ICE2: variants seen among roughly 807,000 people sequenced by gnomAD.
ICE2 encodes the protein interactor of little elongation complex ELL subunit 2.
In ICE2, 87 loss-of-function variants were observed where a neutral mutation model predicts 105.4. That is an observed-to-expected ratio of 0.83 (90% confidence interval 0.69 to 0.99). The LOEUF (loss-of-function observed/expected upper bound fraction) is 0.99, where lower values mean the gene tolerates loss of function less well. ICE2 is among the 50% of genes least tolerant of loss of function. The pLI is 0.00. For synonymous variants in ICE2, 399 were observed against 392.0 expected (o/e 1.02, Z -0.21); for missense variants, 1,323 against 1,146.7 (o/e 1.15, Z -2.22).
chr15:60,456,415 G>A (rs1328164788), intron 6 of ICE2, among the ~76,000 whole-genome samples: 1 of 148,572 alleles, frequency 6.7e-6, no homozygotes, highest in Admixed American at 6.7e-5. Flanking sequence ...TTGGTGGCAG[G>A]CGCCTGTAAT....
intron 10 of ICE2, among the ~76,000 whole-genome samples, 176 bp from the exon 11 acceptor site, chr15:60,448,321 A>G (rs2063871028): frequency 6.6e-6 from 1 of 152,236 alleles, no homozygotes; most frequent in Non-Finnish European, 1.5e-5. Context: ...GAACTGCAGT[A>G]AGAGCTGAAA....
chr15:60,461,946 T>C (rs759702845), intron 5 of ICE2, among the ~76,000 whole-genome samples: 1 of 152,210 alleles, frequency 6.6e-6, no homozygotes, highest in Non-Finnish European at 1.5e-5. Flanking sequence ...GTTAATACTA[T>C]TTGAGGCTTA....
intron 15 of ICE2, among the ~76,000 whole-genome samples, chr15:60,427,655 G>A (rs1323768024): frequency 6.6e-6 from 1 of 152,188 alleles, no homozygotes; most frequent in Admixed American, 6.5e-5. Flanking sequence ...GACCTCAAAT[G>A]ATCCACCCGC....
intron 5 of ICE2, among the ~76,000 whole-genome samples, chr15:60,462,281 T>A (rs147400319): frequency 6.6e-6 from 1 of 152,184 alleles, no homozygotes; most frequent in Non-Finnish European, 1.5e-5. Flanking sequence ...GCTGGGGTGG[T>A]GGGGAAAATG....
intron 3 of ICE2, among the ~76,000 whole-genome samples, chr15:60,474,809 A>G (rs1469302945): frequency 1.3e-5 from 2 of 152,118 alleles, no homozygotes; most frequent in South Asian, 4.1e-4. Flanking sequence ...AAAACAGGAA[A>G]ACTTGAGCAT....
rs184323847 is a variant in ICE2, at chr15:60,419,926, G to A, written c.*3708C>T. On this transcript the variant is annotated 3_prime_UTR_variant, in exon 16 of 16. Coordinates refer to ENST00000261520, the MANE Select transcript of ICE2 (RefSeq NM_024611.6). ...TCTTTCCAAACTTCTCCCTTCAAGGGTGGAGCTTAAGTGTGGGCTTAGCGA... is the reference window on the plus strand; with the variant it reads ...TCTTTCCAAACTTCTCCCTTCAAGGATGGAGCTTAAGTGTGGGCTTAGCGA... 1.2e-4 allele frequency: 19 copies of A among 152,248 alleles called. 1 individual carries two copies. Among genetic ancestry groups the A allele is most frequent in the African/African-American group, 4.3e-4 (18 of 41,530 alleles). 9.4% of individuals were successfully genotyped at this position (152,248 alleles called of 1,614,324 possible).
At chr15:60,449,955 AG>A in intron 9 of ICE2, 114 bp from the exon 10 acceptor site, 1 of 773,074 alleles carries the variant, frequency 1.3e-6, no homozygotes. Flanking sequence ...TAGAAAGAAA[AG>A]TCTAATGGTT....
In ICE2 at chr15:60,479,117, G is replaced by C; in HGVS notation, c.-207C>G. The C allele has an allele frequency of 2.4e-6, 1 of 423,310 alleles. No individual in the cohort carries two copies. Among genetic ancestry groups the C allele is most frequent in the South Asian group, 1.6e-5 (1 of 61,868 alleles). 26.2% of individuals were successfully genotyped at this position (423,310 alleles called of 1,614,324 possible). The stretch of plus-strand genomic sequence containing the variant: ...AAGACCATATTTAAAGGATGTGGCC[G>C]CGCCGACTCGGCCCTGCGTGATGAC... On this transcript the variant is annotated 5_prime_UTR_variant, in exon 1 of 16. Coordinates refer to ENST00000261520, the MANE Select transcript of ICE2 (RefSeq NM_024611.6).
intron 15 of ICE2, among the ~76,000 whole-genome samples, chr15:60,424,178 CAG>C (rs1490432521): frequency 2.7e-5 from 4 of 150,490 alleles, no homozygotes; most frequent in African/African-American, 7.4e-5. Flanking sequence ...AGGTGGTAAA[CAG>C]GGAGAAGAAA....
chr15:60,442,354 A>C, intron 12 of ICE2, 62 bp downstream of exon 12: 1 of 1,435,802 alleles, frequency 7.0e-7, no homozygotes, highest in Non-Finnish European at 9.5e-7. Context: ...TCACAATTGA[A>C]TTTACAAGTA....
At chr15:60,448,386 A>G (rs1391018662) in intron 10 of ICE2, among the ~76,000 whole-genome samples, 1 of 152,214 alleles carries the variant, frequency 6.6e-6, no homozygotes, top group Non-Finnish European at 1.5e-5. Context: ...GGCAAAGTAT[A>G]AATTCGTGAG....
chr15:60,479,007 T>G lies in ICE2; in HGVS notation c.-97A>C. 1 of 456,004 alleles carries G rather than the reference T, an allele frequency of 2.2e-6. No individual in the cohort carries two copies. The highest frequency in any genetic ancestry group is 4.4e-6 in the Non-Finnish European group (1 of 226,746). 28.2% of individuals were successfully genotyped at this position (456,004 alleles called of 1,614,324 possible). A position where few individuals can be genotyped will look rare whatever the true frequency, so the allele number is the denominator to read the frequency against. ...CAACACAGCCTTTCCGCCCACCTCATGGTCCGCGGCGGCTCTTGCCCAGGC... is the reference window on the plus strand; with the variant it reads ...CAACACAGCCTTTCCGCCCACCTCAGGGTCCGCGGCGGCTCTTGCCCAGGC... On this transcript the variant is annotated 5_prime_UTR_variant, in exon 1 of 16. An upstream start codon of the reference 5' UTR is lost. Coordinates refer to ENST00000261520, the MANE Select transcript of ICE2 (RefSeq NM_024611.6).
chr15:60,438,365 C>A (rs2063643020), intron 12 of ICE2: 1 of 152,040 alleles, frequency 6.6e-6, no homozygotes, highest in Non-Finnish European at 1.5e-5. Context: ...ATTTTCTTAC[C>A]AAGCCCCCTT....
At chr15:60,436,297 TC>T (rs2063585801) in intron 12 of ICE2, 70 bp from the exon 13 acceptor site, 1 of 541,748 alleles carries the variant, frequency 1.8e-6, no homozygotes, top group African/African-American at 2.0e-5. Context: ...AACCAAGTTA[TC>T]CTGTCTCCTT....
intron 12 of ICE2, among the ~76,000 whole-genome samples, chr15:60,436,567 T>A (rs2063592308): frequency 1.3e-5 from 2 of 151,868 alleles, no homozygotes; most frequent in African/African-American, 4.8e-5. Context: ...TACATTTAAT[T>A]AGCCAGGCGT....
intron 15 of ICE2, among the ~76,000 whole-genome samples, chr15:60,425,174 A>C (rs1192135655): frequency 6.6e-6 from 1 of 152,192 alleles, no homozygotes; most frequent in Non-Finnish European, 1.5e-5. Context: ...TGTCCCTTTA[A>C]AAAGCATTTT....
intron 12 of ICE2, 107 bp downstream of exon 12, chr15:60,442,308 TA>T (rs146336634): frequency 1.9e-6 from 2 of 1,050,408 alleles, no homozygotes; most frequent in African/African-American, 3.3e-5. Flanking sequence ...AATACATAAA[TA>T]AAAACGAAAG....
Position 60,455,020 on chromosome 15 carries a change from T to C in ICE2, c.926A>G (p.Gln309Arg). 6.4e-7 allele frequency: 1 copy of C among 1,564,250 alleles called. No individual in the cohort carries two copies. Among genetic ancestry groups the C allele is most frequent in the Admixed American group, 2.2e-5 (1 of 46,390 alleles). Reference sequence around the variant, plus strand: ...TTACAAACCTGCAACAGGTATTACTTGAATACACACTGGAATTTCCCACTG... The same window carrying C: ...TTACAAACCTGCAACAGGTATTACTCGAATACACACTGGAATTTCCCACTG... ...KEQWEIPVCI[Q>R]VIPVAGSKPV... is the part of the protein sequence containing the mutation. The change falls in exon 8 of 16, where the codon CAA (glutamine) becomes CGA (arginine). Residue 309 changes from glutamine to arginine, a missense_variant. Coordinates refer to ENST00000261520, the MANE Select transcript of ICE2 (RefSeq NM_024611.6).
At chr15:60,452,931 T>G in intron 9 of ICE2, 2 of 985,420 alleles carry the variant, frequency 2.0e-6, no homozygotes, top group Non-Finnish European at 2.4e-6. Flanking sequence ...TTTTCACACT[T>G]AAAAACTCTT....
Sources: allele counts gnomAD v4.1 joint callset (sites outside exome capture counted in the v4.1 genomes callset), GRCh38; gene constraint gnomAD v4.1.1; transcripts MANE v1.5; gene names NCBI Gene and HGNC (gene_info 2026-07-23, HGNC 2026-07-21).